Variants in NUP62CL observed in about 807,000 individuals in gnomAD.
NUP62CL encodes nucleoporin 62 C-terminal like, also known as nucleoporin-62 C-terminal-like protein.
NUP62CL carries 13 observed loss-of-function variants against 15.3 expected under a neutral mutation model. The ratio of observed to expected loss-of-function variants is 0.85; its 90% CI spans 0.55 to 1.35. The LOEUF is 1.35. Among genes scored for constraint, NUP62CL ranks in the 40% most tolerant of loss-of-function variants. The probability of loss-of-function intolerance (pLI) is 0.00; values close to 1 mark genes in which losing one functional copy is unlikely to be tolerated. For missense variants in NUP62CL, 123 were observed against 130.6 expected (o/e 0.94, Z 0.28); for synonymous variants, 54 against 49.2 (o/e 1.10, Z -0.41).
chrX:107,156,228 T>A (rs1926185700), intron 4 of NUP62CL, among the ~76,000 whole-genome samples: 1 of 111,422 alleles, frequency 9.0e-6, no homozygotes, highest in Non-Finnish European at 1.9e-5. Flanking sequence ...TGCCCAGGCT[T>A]GATTAGGTAA....
At chrX:107,198,101 T>C (rs1263760626) in intron 1 of NUP62CL, among the ~76,000 whole-genome samples, 1 of 111,654 alleles carries the variant, frequency 9.0e-6, no homozygotes, top group Non-Finnish European at 1.9e-5. Flanking sequence ...AGCTAAAGGA[T>C]TGTAAATGCA....
chrX:107,198,417 CCAGGCTGTGGA>C lies in NUP62CL; in HGVS notation c.-91-5356_-91-5346del, dbSNP rs1927404901. Among the ~76,000 whole-genome samples the C allele has an allele frequency of 1.3e-4, 15 of 111,862 alleles. No homozygotes were observed. In the South Asian group the frequency reaches 5.7e-3, roughly 43 times the overall value. ...AGCAGCAACCCACTCGAGTCCCCTT[CCAGGCTGTGGA>C]AGCTTTGTTCTTTCACGCTTCACAA... On this transcript the variant is annotated intron_variant, in intron 1 of 8. Coordinates refer to ENST00000372466, the MANE Select transcript of NUP62CL (RefSeq NM_017681.3).
At chrX:107,203,631 C>T (rs780953543) in intron 1 of NUP62CL, among the ~76,000 whole-genome samples, 1 of 110,598 alleles carries the variant, frequency 9.0e-6, no homozygotes, top group Non-Finnish European at 1.9e-5. Context: ...ACTCACTCTA[C>T]GAAATATTAG....
intron 8 of NUP62CL, among the ~76,000 whole-genome samples, chrX:107,142,758 T>G (rs757744621): frequency 2.5e-4 from 28 of 111,909 alleles, no homozygotes; most frequent in Non-Finnish European, 4.1e-4. Context: ...GCATTGCCAA[T>G]TCTGTCATAA....
chrX:107,164,411 C>T (rs752678497), intron 4 of NUP62CL, among the ~76,000 whole-genome samples: 1 of 110,443 alleles, frequency 9.1e-6, no homozygotes, highest in East Asian at 2.9e-4. Context: ...AATCTCAAAT[C>T]AATAGTCTGA....
intron 4 of NUP62CL, among the ~76,000 whole-genome samples, chrX:107,159,049 C>T (rs1321469482): frequency 3.7e-5 from 1 of 27,079 alleles, no homozygotes; most frequent in Non-Finnish European, 4.8e-5. Flanking sequence ...ATACATTCCT[C>T]GACACATACA....
At chrX:107,189,945 G>A (rs5962800) in intron 2 of NUP62CL, among the ~76,000 whole-genome samples, 9,296 of 86,220 alleles carry the variant, frequency 0.11, 809 homozygotes, top group African/African-American at 0.23. Context: ...AAGAAAGAAA[G>A]AGAATCGATA....
At chrX:107,136,786 G>C (rs1164306781) in intron 8 of NUP62CL, among the ~76,000 whole-genome samples, 1 of 112,468 alleles carries the variant, frequency 8.9e-6, no homozygotes, top group African/African-American at 3.2e-5. Flanking sequence ...ATCAACGTAG[G>C]CTGGGCGTGG....
chrX:107,167,556 C>T, intron 4 of NUP62CL, 93 bp downstream of exon 4: 1 of 657,542 alleles, frequency 1.5e-6, no homozygotes, highest in Non-Finnish European at 2.2e-6. Context: ...ATTTAGCTAA[C>T]TTTCAAATAT....
At chrX:107,161,324 C>T (rs1926363910) in intron 4 of NUP62CL, among the ~76,000 whole-genome samples, 1 of 102,024 alleles carries the variant, frequency 9.8e-6, no homozygotes, top group South Asian at 4.9e-4. Context: ...TATAAAGACA[C>T]ATGCACACGT....
intron 2 of NUP62CL, among the ~76,000 whole-genome samples, chrX:107,179,906 C>T (rs1926874057): frequency 9.0e-6 from 1 of 111,616 alleles, no homozygotes; most frequent in Non-Finnish European, 1.9e-5. Flanking sequence ...TGCAATAATT[C>T]CTCTACCCCA....
At chrX:107,180,844 C>A (rs771450197) in intron 2 of NUP62CL, among the ~76,000 whole-genome samples, 421 of 109,615 alleles carry the variant, frequency 3.8e-3, no homozygotes, top group Non-Finnish European at 5.7e-3. Flanking sequence ...ATGCTTATCT[C>A]CTCAACTCCA....
chrX:107,156,213 G>A (rs1267028851), intron 4 of NUP62CL, among the ~76,000 whole-genome samples: 7 of 111,833 alleles, frequency 6.3e-5, no homozygotes, highest in Non-Finnish European at 9.4e-5. Context: ...AGGGGCGCCC[G>A]CCATTGCCCA....
chrX:107,196,208 T>G, intron 1 of NUP62CL, among the ~76,000 whole-genome samples: 1 of 112,197 alleles, frequency 8.9e-6, no homozygotes, highest in Non-Finnish European at 1.9e-5. Flanking sequence ...AAAAAATCAC[T>G]TTTTGGACTA....
chrX:107,155,149 T>A (rs1338337091), intron 4 of NUP62CL, among the ~76,000 whole-genome samples: 1 of 111,904 alleles, frequency 8.9e-6, no homozygotes, highest in African/African-American at 3.3e-5. Context: ...CCACATCCAC[T>A]GGCAAAGCCA....
chrX:107,172,491 A>T (rs1926676956), intron 3 of NUP62CL, among the ~76,000 whole-genome samples: 2 of 112,119 alleles, frequency 1.8e-5, no homozygotes, highest in African/African-American at 6.5e-5. Flanking sequence ...ATGGAGTCTA[A>T]CTTAAAAGAC....
intron 5 of NUP62CL, 83 bp from the exon 6 acceptor site, chrX:107,153,586 C>T (rs1926101586): frequency 3.5e-6 from 2 of 577,361 alleles, no homozygotes; most frequent in Non-Finnish European, 5.3e-6. Flanking sequence ...TTCTCAAATA[C>T]ACTTCAAATA....
intron 3 of NUP62CL, among the ~76,000 whole-genome samples, chrX:107,172,342 G>C (rs1361832316): frequency 9.1e-6 from 1 of 110,126 alleles, no homozygotes; most frequent in Non-Finnish European, 1.9e-5. Context: ...AAAAAAGGGA[G>C]GGATGATATA....
rs1467959433 is a variant in NUP62CL at position 107,125,993 on chromosome X, G to A, written c.*43-1661C>T. On this transcript the variant is annotated intron_variant, in intron 8 of 8. Coordinates refer to ENST00000372466, the MANE Select transcript of NUP62CL (RefSeq NM_017681.3). ...CAAAAACTGCACCTAGGTACTTAAT[G>A]CCCAGAATTTTGGTCCCATGACAAG... Among the ~76,000 whole-genome samples the A allele has an allele frequency of 2.7e-5, 3 of 111,539 alleles. No homozygotes were observed. In the Admixed American group the frequency reaches 2.9e-4, roughly 11 times the overall value.
Sources: gnomAD v4.1 joint callset for allele counts (sites outside exome capture counted in the v4.1 genomes callset) on GRCh38, gnomAD v4.1.1 for gene constraint, MANE v1.5 for transcripts, NCBI Gene and HGNC (gene_info 2026-07-23, HGNC 2026-07-21) for gene names.